DRAM2: variants seen among roughly 807,000 people sequenced by gnomAD.
DRAM2 encodes DNA damage-regulated autophagy modulator protein 2.
A neutral mutation model predicts 33.5 loss-of-function variants in DRAM2; 26 were observed. The observed-to-expected ratio is 0.78, with a 90% confidence interval of 0.57 to 1.08. DRAM2 has a LOEUF of 1.08. DRAM2 is among the 50% of genes least tolerant of loss of function. The pLI is 0.00. For missense variants in DRAM2, 311 were observed against 318.1 expected, an observed-to-expected ratio of 0.98 and a Z score of 0.17; for synonymous variants, 98 against 109.5, an observed-to-expected ratio of 0.89 and a Z score of 0.66.
intron 4 of DRAM2, among the ~76,000 whole-genome samples, chr1:111,130,029 T>C (rs945173173): frequency 6.6e-6 from 1 of 150,988 alleles, no homozygotes; most frequent in African/African-American, 2.4e-5. Context: ...GTTTTGCTAT[T>C]GCAATTTTAA....
intron 7 of DRAM2, 70 bp from the exon 8 acceptor site, chr1:111,120,029 A>T: frequency 7.6e-7 from 1 of 1,321,440 alleles, no homozygotes; most frequent in Non-Finnish European, 1.1e-6. Context: ...TTACAGTCTA[A>T]AAGGATTACT....
At chr1:111,138,897 C>T (rs1179869403) in intron 2 of DRAM2, among the ~76,000 whole-genome samples, 1 of 152,134 alleles carries the variant, frequency 6.6e-6, no homozygotes, top group Non-Finnish European at 1.5e-5. Flanking sequence ...TTTAAATACC[C>T]GTGGTAATAA....
intron 5 of DRAM2, 88 bp from the exon 6 acceptor site, chr1:111,124,969 T>A: frequency 9.2e-7 from 1 of 1,091,536 alleles, no homozygotes; most frequent in Admixed American, 2.7e-5. Context: ...GTCACTGCTA[T>A]CCAGAATCAC....
intron 4 of DRAM2, among the ~76,000 whole-genome samples, chr1:111,127,064 C>T (rs1370861786): frequency 6.6e-6 from 1 of 152,168 alleles, no homozygotes; most frequent in Non-Finnish European, 1.5e-5. Flanking sequence ...CTCCCTAAAA[C>T]TGTTCCCTTA....
At chr1:111,122,049 C>A (rs1650153014) in intron 6 of DRAM2, among the ~76,000 whole-genome samples, 1 of 151,948 alleles carries the variant, frequency 6.6e-6, no homozygotes, top group South Asian at 2.1e-4. Context: ...AGAAGGGGGA[C>A]AATGCAAAAT....
Position 111,137,595 on chromosome 1 carries a change from G to A in DRAM2, c.-78-9C>T, listed in dbSNP as rs994229585. ...TGCACCTTTTGTAAATCCTAAAACCGACACAAAGAAAATAAGAAGTTTTTC... is the reference window on the plus strand; with the variant it reads ...TGCACCTTTTGTAAATCCTAAAACCAACACAAAGAAAATAAGAAGTTTTTC... On this transcript the variant is annotated splice_polypyrimidine_tract_variant and intron_variant, in intron 2 of 9. Transcript: ENST00000484310. 2 of 152,080 alleles carry A rather than the reference G, an allele frequency of 1.3e-5. No homozygotes were observed. The highest frequency in any genetic ancestry group is 2.9e-5 in the Non-Finnish European group (2 of 68,010). The allele number at this position is 152,080 out of a possible 1,614,324, so 9.4% of individuals were successfully genotyped here. A position where few individuals can be genotyped will look rare whatever the true frequency, so the allele number is the denominator to read the frequency against.
chr1:111,123,180 C>T (rs1215085695), intron 6 of DRAM2, among the ~76,000 whole-genome samples: 2 of 152,182 alleles, frequency 1.3e-5, no homozygotes, highest in Admixed American at 6.6e-5. Context: ...GTGGCACAGA[C>T]AGCTAGCTAG....
intron 5 of DRAM2, 136 bp from the exon 6 acceptor site, chr1:111,125,017 G>T: frequency 1.2e-5 from 7 of 606,214 alleles, no homozygotes; most frequent in Non-Finnish European, 1.3e-5. Flanking sequence ...AGAATAAAAA[G>T]AAAAAAAAAA....
At position 111,139,586 on chromosome 1, in the gene DRAM2, A is replaced by T. The variant is rs144025898; in HGVS notation, c.-164T>A. ...AGATTCTTGGTAACTGCTTCAACAA[A>T]CCAGAGGAATTAATTAGACCGCTGA... On this transcript the variant is annotated 5_prime_UTR_variant, in exon 2 of 10. Coordinates refer to ENST00000484310, the MANE Select transcript of DRAM2 (RefSeq NM_001349884.2). 579 of 152,348 alleles carry T rather than the reference A, an allele frequency of 3.8e-3. 4 individuals carry two copies. The highest frequency in any genetic ancestry group is 0.014 in the African/African-American group (562 of 41,548). The allele number at this position is 152,348 out of a possible 1,614,324, so 9.4% of individuals were successfully genotyped here.
Position 111,118,091 on chromosome 1 carries a change from A to C in DRAM2, c.*69T>G, listed in dbSNP as rs1023983961. 6.2e-6 allele frequency: 9 copies of C among 1,455,444 alleles called. No homozygotes were observed. In the African/African-American group the frequency reaches 1.3e-4, roughly 20 times the overall value. The allele number at this position is 1,455,444 out of a possible 1,614,324, so 90.2% of individuals were successfully genotyped here. On this transcript the variant is annotated 3_prime_UTR_variant, in exon 10 of 10. Transcript: ENST00000484310. ...TGGTTGAAAATTTCAGAGAAGAATA[A>C]GCAACTTCTGTGAACCTTTCCCCAA...
At chr1:111,139,841 C>A (rs561982441) in intron 1 of DRAM2, 175 bp from the exon 2 acceptor site, 2 of 152,638 alleles carry the variant, frequency 1.3e-5, no homozygotes, top group African/African-American at 4.8e-5. Flanking sequence ...AACCAGCCCC[C>A]CTCTGGCGCC....
At chr1:111,122,563 G>A (rs528378931) in intron 6 of DRAM2, 3 of 151,982 alleles carry the variant, frequency 2.0e-5, no homozygotes, top group African/African-American at 7.2e-5. Flanking sequence ...ATCACCTAGA[G>A]TTTGTCTCCA....
intron 6 of DRAM2, among the ~76,000 whole-genome samples, chr1:111,122,249 C>T (rs1232933548): frequency 6.6e-6 from 1 of 152,116 alleles, no homozygotes; most frequent in African/African-American, 2.4e-5. Context: ...CAAAAGATCA[C>T]TTTTACTGCA....
At position 111,119,900 on chromosome 1, in the gene DRAM2, G is replaced by C; in HGVS notation, c.577C>G (p.Leu193Val). ...ACTTTGTCCTCGGGGTTCCAATGGA[G>C]TTTCTGTTCTAAATCAGTCCCAAAA... ...GNFGTDLEQK[L>V]HWNPEDKGYV... The change falls in exon 8 of 10, where the codon CTC becomes GTC. Residue 193 changes from leucine to valine, a missense_variant. Leu to Val is a conservative substitution (Grantham distance 32, BLOSUM62 1). Coordinates refer to ENST00000484310, the MANE Select transcript of DRAM2 (RefSeq NM_001349884.2). The C allele has an allele frequency of 6.2e-7, 1 of 1,612,826 alleles. No homozygotes were observed. The highest frequency in any genetic ancestry group is 8.5e-7 in the Non-Finnish European group (1 of 1,179,118).
At position 111,118,186 on chromosome 1, in the gene DRAM2, T is replaced by C. The variant is rs1649290552; in HGVS notation, c.775A>G (p.Thr259Ala). The C allele has an allele frequency of 4.3e-6, 7 of 1,613,034 alleles. No individual in the cohort carries two copies. Among genetic ancestry groups the C allele is most frequent in the African/African-American group, 1.3e-5 (1 of 74,992 alleles). The change falls in exon 10 of 10, where the codon ACA becomes GCA. Residue 259 changes from threonine (T) to alanine (A), a missense_variant. Thr to Ala is a moderately conservative substitution (Grantham distance 58, BLOSUM62 0). Transcript: ENST00000484310. ...TAPCPINNER[T>A]RLLSRDI The stretch of plus-strand genomic sequence containing the variant: ...CAAATATCTCTGGAAAGTAGCCGTG[T>C]TCGTTCATTGTTAATAGGGCAAGGT...
intron 4 of DRAM2, 53 bp from the exon 5 acceptor site, chr1:111,126,347 T>C (rs1651021824): frequency 9.6e-7 from 1 of 1,045,482 alleles, no homozygotes; most frequent in South Asian, 1.4e-5. Flanking sequence ...TAAACACATA[T>C]ATTTCTTCTA....
chr1:111,136,320 C>A (rs1041466846), intron 3 of DRAM2, among the ~76,000 whole-genome samples: 2 of 152,138 alleles, frequency 1.3e-5, no homozygotes, highest in African/African-American at 2.4e-5. Context: ...TAATCCAGCA[C>A]TTTGGGAGGC....
At position 111,118,254 on chromosome 1, in the gene DRAM2, CGTAAAGA is replaced by C. The variant is rs760588539; in HGVS notation, c.700_706del (p.Ser234GlyfsTer9). 17 of 1,610,300 alleles carry C rather than the reference CGTAAAGA, an allele frequency of 1.1e-5. No homozygotes were observed. The South Asian group carries it at 1.9e-4, about 18-fold the overall frequency. On this transcript the variant is annotated frameshift_variant, in exon 10 of 10. Transcript: ENST00000484310. LOFTEE classifies it high-confidence loss of function. ...TAATCCATGTAAATTGGCTTCCACC[CGTAAAGA>C]AATTTTCTGGAACAGAAAAGAAAAT...
At chr1:111,124,278 T>C (rs1297693906) in intron 6 of DRAM2, among the ~76,000 whole-genome samples, 1 of 152,204 alleles carries the variant, frequency 6.6e-6, no homozygotes, top group Non-Finnish European at 1.5e-5. Flanking sequence ...CCTACAGTTC[T>C]TCCTTTCATT....
Sources: gnomAD v4.1 joint callset for allele counts (sites outside exome capture counted in the v4.1 genomes callset) on GRCh38, gnomAD v4.1.1 for gene constraint, MANE v1.5 for transcripts, NCBI Gene and HGNC (gene_info 2026-07-23, HGNC 2026-07-21) for gene names.